DIP2C: variants seen among roughly 807,000 people sequenced by gnomAD.
The protein encoded by DIP2C is DIP2 acetate--CoA ligase C (putative), also known as disco-interacting protein 2 homolog C.
A neutral mutation model predicts 192.4 loss-of-function variants in DIP2C; 33 were observed. The ratio of observed to expected loss-of-function variants is 0.17; its 90% confidence interval spans 0.13 to 0.23. DIP2C has a LOEUF of 0.23. Among genes scored for constraint, DIP2C ranks in the 10% least tolerant of loss-of-function variants. The pLI is 1.00. For synonymous variants in DIP2C, 979 were observed against 864.1 expected (o/e 1.13, Z -2.33); for missense variants, 1,537 against 2,110.1 (o/e 0.73, Z 5.32).
chr10:357,745 T>TACTGTCGGGGATGGTCGCAGATGGTCG, intron 23 of DIP2C, 83 bp downstream of exon 23: 1 of 1,007,120 alleles, frequency 9.9e-7, no homozygotes, highest in South Asian at 1.5e-5. Flanking sequence ...GACAGTCGGG[T>TACTGTCGGGGATGGTCGCAGATGGTCG]ACTGTCGGGG....
chr10:320,016 A>G (rs1437718055), intron 31 of DIP2C, among the ~76,000 whole-genome samples: 1 of 152,182 alleles, frequency 6.6e-6, no homozygotes, highest in Non-Finnish European at 1.5e-5. Flanking sequence ...CAGACTTCCT[A>G]TTTGAGAGGA....
chr10:376,937 A>G (rs923603462), intron 17 of DIP2C, among the ~76,000 whole-genome samples: 10 of 152,204 alleles, frequency 6.6e-5, no homozygotes, highest in South Asian at 2.1e-4. Context: ...AACACAACAG[A>G]TAAGTGAGAT....
chr10:649,278 A>G lies in DIP2C; in HGVS notation c.85+40216T>C, dbSNP rs182348924. Reference sequence around the variant, plus strand: ...ACAGAGGAAAACTGAGTCCACGTCAACATTTGAGGGTGGGAGAGAACAGAG... The same window carrying G: ...ACAGAGGAAAACTGAGTCCACGTCAGCATTTGAGGGTGGGAGAGAACAGAG... On this transcript the variant is annotated intron_variant, in intron 1 of 36. Coordinates refer to ENST00000280886, the MANE Select transcript of DIP2C (RefSeq NM_014974.3). Among the ~76,000 whole-genome samples the G allele has an allele frequency of 1.9e-4, 28 of 151,294 alleles. No individual in the cohort carries two copies. In the East Asian group the frequency reaches 5.5e-3, roughly 29 times the overall value.
intron 1 of DIP2C, among the ~76,000 whole-genome samples, chr10:678,491 C>G (rs1347411476): frequency 6.6e-6 from 1 of 152,128 alleles, no homozygotes; most frequent in Non-Finnish European, 1.5e-5. Flanking sequence ...GTGCTCCCAG[C>G]ACCCGTCCTC....
chr10:548,901 TAGC>T (rs1476713358), intron 1 of DIP2C, among the ~76,000 whole-genome samples: 22 of 23,062 alleles, frequency 9.5e-4, no homozygotes, highest in South Asian at 4.7e-3. Flanking sequence ...CAGGAAAAAA[TAGC>T]AGCTCACAAA....
At chr10:582,416 G>C (rs913874797) in intron 1 of DIP2C, among the ~76,000 whole-genome samples, 1 of 152,278 alleles carries the variant, frequency 6.6e-6, no homozygotes, top group African/African-American at 2.4e-5. Flanking sequence ...CCCCATCCCT[G>C]CAACAAAGAA....
At position 517,212 on chromosome 10, in the gene DIP2C, A is replaced by G. The variant is rs919954604; in HGVS notation, c.86-30682T>C. Among the ~76,000 whole-genome samples the G allele has an allele frequency of 1.6e-4, 25 of 152,082 alleles. No homozygotes were observed. The South Asian group carries it at 2.1e-3, about 13-fold the overall frequency. ...CTCCTTTTCCCTTCTCCATTTCTCC[A>G]CTGGATTCATCAAATCAAACCTTGC... On this transcript the variant is annotated intron_variant, in intron 1 of 36. Transcript: ENST00000280886.
chr10:546,246 C>T (rs1489922823), intron 1 of DIP2C, among the ~76,000 whole-genome samples: 3 of 144,040 alleles, frequency 2.1e-5, no homozygotes, highest in Non-Finnish European at 4.5e-5. Flanking sequence ...CACGCCACTA[C>T]ACTCCAGCCT....
intron 8 of DIP2C, among the ~76,000 whole-genome samples, chr10:410,935 C>T (rs1036979703): frequency 6.6e-6 from 1 of 152,180 alleles, no homozygotes; most frequent in African/African-American, 2.4e-5. Context: ...GATGTCAGCA[C>T]TATTGTATTA....
intron 1 of DIP2C, among the ~76,000 whole-genome samples, chr10:509,567 C>G (rs1845871188): frequency 6.6e-6 from 1 of 152,236 alleles, no homozygotes; most frequent in Non-Finnish European, 1.5e-5. Context: ...ATCTCAGGGA[C>G]TCTGTGCGGT....
chr10:675,383 G>A (rs896541353), intron 1 of DIP2C, among the ~76,000 whole-genome samples: 4 of 151,688 alleles, frequency 2.6e-5, no homozygotes, highest in African/African-American at 9.7e-5. Context: ...TGAGCTAGAA[G>A]AGCAAGAACA....
intron 1 of DIP2C, among the ~76,000 whole-genome samples, chr10:564,895 A>C (rs1013473076): frequency 5.9e-5 from 9 of 152,360 alleles, no homozygotes; most frequent in African/African-American, 1.7e-4. Context: ...CACACAGTAG[A>C]AATCTTTCTT....
chr10:615,373 G>A (rs1255409422), intron 1 of DIP2C, among the ~76,000 whole-genome samples: 1 of 152,160 alleles, frequency 6.6e-6, no homozygotes, highest in East Asian at 1.9e-4. Context: ...ACCCGCATAG[G>A]GGCCACGGTG....
chr10:589,526 T>C (rs75918987), intron 1 of DIP2C, among the ~76,000 whole-genome samples: 2,497 of 152,316 alleles, frequency 0.016, 58 homozygotes, highest in South Asian at 0.025. Context: ...GTTTTCACTC[T>C]TTTGCATATG....
intron 3 of DIP2C, among the ~76,000 whole-genome samples, chr10:460,932 T>C (rs1425340585): frequency 6.6e-6 from 1 of 152,142 alleles, no homozygotes; most frequent in Non-Finnish European, 1.5e-5. Flanking sequence ...AACCCAGAAT[T>C]TCCTATCCAG....
At chr10:642,572 A>G (rs948953346) in intron 1 of DIP2C, among the ~76,000 whole-genome samples, 4 of 152,240 alleles carry the variant, frequency 2.6e-5, no homozygotes, top group Non-Finnish European at 5.9e-5. Flanking sequence ...GATAAATATC[A>G]CTGCTGTTAG....
In DIP2C at chr10:430,385, C is replaced by CT. The variant is rs1404967926; in HGVS notation, c.395-7353dup. 6 of 152,228 alleles carry CT rather than the reference C, an allele frequency of 3.9e-5. No individual in the cohort carries two copies. The South Asian group carries it at 1.2e-3, about 32-fold the overall frequency. 9.4% of individuals were successfully genotyped at this position (152,228 alleles called of 1,614,324 possible). A position where few individuals can be genotyped will look rare whatever the true frequency, so the allele number is the denominator to read the frequency against. ...AGGAGGTCGCTGGGTTGACGCCGAA[C>CT]TTAGTGTCGACACCTGAGAGGCATA... is the stretch of plus-strand genomic sequence containing the variant. On this transcript the variant is annotated intron_variant, in intron 4 of 36. Transcript: ENST00000280886.
intron 29 of DIP2C, among the ~76,000 whole-genome samples, chr10:331,470 G>C (rs1245586752): frequency 6.6e-6 from 1 of 152,140 alleles, no homozygotes; most frequent in Non-Finnish European, 1.5e-5. Context: ...CTTCAACCAT[G>C]AATCAAAGAT....
At chr10:491,124 C>T (rs1343718503) in intron 1 of DIP2C, among the ~76,000 whole-genome samples, 1 of 152,194 alleles carries the variant, frequency 6.6e-6, no homozygotes, top group Admixed American at 6.5e-5. Context: ...CAATCTGGCC[C>T]AACTGGAACC....
Sources: allele counts gnomAD v4.1 joint callset (sites outside exome capture counted in the v4.1 genomes callset), GRCh38; gene constraint gnomAD v4.1.1; transcripts MANE v1.5; gene names NCBI Gene and HGNC (gene_info 2026-07-23, HGNC 2026-07-21).